ANKRD24: variants seen among roughly 807,000 people sequenced by gnomAD.
ANKRD24 encodes the protein ankyrin repeat domain-containing protein 24.
Under a neutral mutation model 127.8 loss-of-function variants are expected in ANKRD24, and 109 were observed. The ratio of observed to expected loss-of-function variants is 0.85; its 90% CI spans 0.73 to 1.00. ANKRD24 has a LOEUF of 1.00. Among genes scored for constraint, ANKRD24 ranks in the 50% least tolerant of loss-of-function variants. ANKRD24 has a pLI of 0.00. For synonymous variants in ANKRD24, 743 were observed against 671.1 expected, an observed-to-expected ratio of 1.11 and a Z score of -1.66; for missense variants, 1,648 against 1,570.2, an observed-to-expected ratio of 1.05 and a Z score of -0.84.
At chr19:4,224,291 G>T in intron 21 of ANKRD24, 99 bp downstream of exon 21, 1 of 1,432,586 alleles carries the variant, frequency 7.0e-7, no homozygotes, top group East Asian at 2.5e-5. Flanking sequence ...GGCTGGTCTG[G>T]GGAGAGGTTC....
intron 2 of ANKRD24, among the ~76,000 whole-genome samples, chr19:4,193,861 A>T (rs138057179): frequency 1.5e-5 from 1 of 67,408 alleles, no homozygotes; most frequent in African/African-American, 6.3e-5. Context: ...GGAAGGAAGG[A>T]AGGAAGGAAG....
At position 4,216,535 on chromosome 19, in the gene ANKRD24, C is replaced by A. The variant is rs778783158; in HGVS notation, c.1390-15C>A. 5 of 1,594,142 alleles carry A rather than the reference C, an allele frequency of 3.1e-6. No individual in the cohort carries two copies. Among genetic ancestry groups the A allele is most frequent in the South Asian group, 1.1e-5 (1 of 88,164 alleles). On this transcript the variant is annotated splice_polypyrimidine_tract_variant and intron_variant, in intron 17 of 21. Transcript: ENST00000318934. ...CAACTCCTGCCAGACTCCTGCCCCC[C>A]ACTCCACTCCCCAGATCCTGGAGAA...
At chr19:4,220,982 G>C (rs1161044474) in intron 19 of ANKRD24, among the ~76,000 whole-genome samples, 1 of 149,900 alleles carries the variant, frequency 6.7e-6, no homozygotes, top group Non-Finnish European at 1.5e-5. Flanking sequence ...TTGCAGCTTC[G>C]ACCTCCTGGG....
intron 19 of ANKRD24, among the ~76,000 whole-genome samples, chr19:4,220,645 C>T (rs1057150272): frequency 1.3e-4 from 19 of 151,904 alleles, no homozygotes; most frequent in Non-Finnish European, 2.5e-4. Flanking sequence ...AACTCTGCCT[C>T]CCGGGTTCAC....
Position 4,205,590 on chromosome 19 carries a change from G to A in ANKRD24, c.467-1652G>A, listed in dbSNP as rs1969337815. ...AGGCCAGGCACAGTGGTGCACGCCT[G>A]TAATCCTAGCACTATGGGAGTCAGA... On this transcript the variant is annotated intron_variant, in intron 7 of 21. Coordinates refer to ENST00000318934, the MANE Select transcript of ANKRD24 (RefSeq NM_001393985.1). Among the ~76,000 whole-genome samples, 2 of 152,208 alleles carry A rather than the reference G, an allele frequency of 1.3e-5. 1 individual carries two copies. The highest frequency in any genetic ancestry group is 4.1e-4 in the South Asian group (2 of 4,830).
At chr19:4,218,243 G>A in intron 18 of ANKRD24, 80 bp downstream of exon 18, 6 of 1,263,866 alleles carry the variant, frequency 4.7e-6, no homozygotes, top group Non-Finnish European at 6.2e-6. Flanking sequence ...GCCTTGAGGT[G>A]TTTTGAACCC....
At chr19:4,213,544 C>G (rs1458373232) in intron 15 of ANKRD24, among the ~76,000 whole-genome samples, 2 of 148,062 alleles carry the variant, frequency 1.4e-5, no homozygotes, top group Non-Finnish European at 3.0e-5. Context: ...CAACCTCTGC[C>G]TCCCTGGTTC....
Position 4,199,960 on chromosome 19 carries a change from G to A in ANKRD24, c.209G>A (p.Arg70His), listed in dbSNP as rs368880588. ...CCTCGGGTGGCCGCCCTCATCGCCC[G>A]CAAGGGGCTGGTGCCCACGAAGCTA... ...DAPRVAALIA[R>H]KGLVPTKLDP... Residue 70 changes from arginine to histidine, a missense_variant, in exon 4 of 22, where the codon CGC (arginine) becomes CAC (histidine). Physicochemically the swap from Arg to His is conservative, Grantham distance 29. Transcript: ENST00000318934. This position sits in a 1 kb window ranked among gnomAD's most constrained non-coding sequence, Gnocchi z 5.2. 5.8e-6 allele frequency: 9 copies of A among 1,564,018 alleles called. No homozygotes were observed. The East Asian group carries it at 9.6e-5, about 17-fold the overall frequency.
rs369689445 is a variant in ANKRD24, at chr19:4,212,707, A to G, written c.1197+9A>G. On this transcript the variant is annotated intron_variant, in intron 15 of 21. Coordinates refer to ENST00000318934, the MANE Select transcript of ANKRD24 (RefSeq NM_001393985.1). ...GGCTGTCCCTGCTGGAGGTAGGAGC[A>G]GTGATGAGTCAGGGCTGGGCTGGGG... The G allele has an allele frequency of 6.6e-7, 1 of 1,519,744 alleles. No homozygotes were observed. The highest frequency in any genetic ancestry group is 1.4e-5 in the African/African-American group (1 of 72,110). 94.1% of individuals were successfully genotyped at this position (1,519,744 alleles called of 1,614,324 possible). A position where few individuals can be genotyped will look rare whatever the true frequency, so the allele number is the denominator to read the frequency against.
Position 4,217,899 on chromosome 19 carries a change from G to A in ANKRD24, c.2739G>A (p.Val913=). 6.8e-7 allele frequency: 1 copy of A among 1,477,410 alleles called. No individual in the cohort carries two copies. The highest frequency in any genetic ancestry group is 8.9e-7 in the Non-Finnish European group (1 of 1,121,680). 91.5% of individuals were successfully genotyped at this position (1,477,410 alleles called of 1,614,324 possible). Residue 913 remains valine, a synonymous_variant, in exon 18 of 22, where the codon GTG becomes GTA. Coordinates refer to ENST00000318934, the MANE Select transcript of ANKRD24 (RefSeq NM_001393985.1). ...CCTCCGAGGCCCTCCGCCAGTCCGT[G>A]GTGCCGGCCTCTGAGCACCGCCGGC... ...REASEALRQS[V]VPASEHRRLQ...
rs1968957208 is a variant in ANKRD24, at chr19:4,199,454, C to T, written c.37-229C>T. 1 of 968,456 alleles carries T rather than the reference C, an allele frequency of 1.0e-6. No individual in the cohort carries two copies. The highest frequency in any genetic ancestry group is 1.8e-5 in the African/African-American group (1 of 56,888). 60.0% of individuals were successfully genotyped at this position (968,456 alleles called of 1,614,324 possible). A position where few individuals can be genotyped will look rare whatever the true frequency, so the allele number is the denominator to read the frequency against. On this transcript the variant is annotated intron_variant, in intron 2 of 21. Coordinates refer to ENST00000318934, the MANE Select transcript of ANKRD24 (RefSeq NM_001393985.1). The surrounding 1 kb of genome is among the most constrained non-coding windows in gnomAD (Gnocchi z 5.2). ...CTCAAACTCCTAGGCTCAAGCGATC[C>T]TCCCACCTTGGCCTCCCCAGATGCT...
chr19:4,202,749 T>G, intron 6 of ANKRD24, 120 bp from the exon 7 acceptor site: 5 of 1,049,328 alleles, frequency 4.8e-6, no homozygotes, highest in Non-Finnish European at 7.3e-6. Flanking sequence ...ATGGAGTCCC[T>G]TGGGGGCCAC....
intron 11 of ANKRD24, among the ~76,000 whole-genome samples, chr19:4,209,413 C>T (rs1969573977): frequency 6.6e-6 from 1 of 150,582 alleles, no homozygotes; most frequent in African/African-American, 2.5e-5. Flanking sequence ...CGACCCCTCT[C>T]CTAGTTTTTT....
At chr19:4,212,538 C>G in intron 14 of ANKRD24, 25 bp downstream of exon 14, 1 of 1,550,960 alleles carries the variant, frequency 6.4e-7, no homozygotes, top group Non-Finnish European at 8.7e-7. Flanking sequence ...GGGGAGGAGC[C>G]GGTCCTCCTG....
At position 4,195,218 on chromosome 19, in the gene ANKRD24, G is replaced by A. The variant is rs536579331; in HGVS notation, c.37-4465G>A. On this transcript the variant is annotated intron_variant, in intron 2 of 21. Transcript: ENST00000318934. The surrounding 1 kb of genome is among the most constrained non-coding windows in gnomAD (Gnocchi z 4.2). ...CTCCCGAGTAGCTGGGACTACAGGCGCCCACCACCACGCCCGGCTAATTTT... is the reference window on the plus strand; with the variant it reads ...CTCCCGAGTAGCTGGGACTACAGGCACCCACCACCACGCCCGGCTAATTTT... 0.036 allele frequency among the ~76,000 whole-genome samples: 5,470 copies of A among 152,050 alleles called. 134 individuals carry two copies. Among genetic ancestry groups the A allele is most frequent in the Non-Finnish European group, 0.053 (3,578 of 67,986 alleles).
rs1344645566 is a variant in ANKRD24 at position 4,202,872 on chromosome 19, T to C, written c.412T>C (p.Ser138Pro). ...AAAGGACTCGCCCCATCCCCAGGCT[T>C]CCTGCGTGGTGGACGTCGTGGACAG... is the stretch of plus-strand genomic sequence containing the variant. ...PQCLKQLLQA[S>P]CVVDVVDSSG... is the part of the protein sequence containing the mutation. The change falls in exon 7 of 22, where the codon TCC (serine) becomes CCC (proline). Residue 138 changes from serine (S) to proline (P), a missense_variant. By Grantham distance (74) the Ser-to-Pro change is moderately conservative. Transcript: ENST00000318934. The C allele has an allele frequency of 1.3e-6, 2 of 1,589,804 alleles. No individual in the cohort carries two copies. The highest frequency in any genetic ancestry group is 1.7e-6 in the Non-Finnish European group (2 of 1,168,366).
chr19:4,200,351 C>T (rs987373349), intron 5 of ANKRD24, among the ~76,000 whole-genome samples, 180 bp downstream of exon 5: 3 of 151,962 alleles, frequency 2.0e-5, no homozygotes, highest in Non-Finnish European at 2.9e-5. Context: ...ATGGGGTGGC[C>T]AAAGATAGAG....
At chr19:4,212,898 C>T (rs903044660) in intron 15 of ANKRD24, among the ~76,000 whole-genome samples, 200 bp downstream of exon 15, 1 of 152,080 alleles carries the variant, frequency 6.6e-6, no homozygotes, top group African/African-American at 2.4e-5. Flanking sequence ...TTTGGGAGGC[C>T]GAGGCGGGCG....
chr19:4,210,095 A>G lies in ANKRD24; in HGVS notation c.908A>G (p.Lys303Arg), dbSNP rs1449895153. The G allele has an allele frequency of 4.3e-6, 7 of 1,612,672 alleles. No homozygotes were observed. Among genetic ancestry groups the G allele is most frequent in the Non-Finnish European group, 5.9e-6 (7 of 1,179,476 alleles). Reference protein sequence around the residue: ...MSSHGKQGAPKKRKAPPPPAS... With the variant: ...MSSHGKQGAPRKRKAPPPPAS... Reference sequence around the variant, plus strand: ...AGCCATGGAAAGCAGGGGGCCCCCAAGAAGCGGAAGGCGCCTCCACCTCCC... The same window carrying G: ...AGCCATGGAAAGCAGGGGGCCCCCAGGAAGCGGAAGGCGCCTCCACCTCCC... Residue 303 changes from lysine to arginine, a missense_variant, in exon 12 of 22, where the codon AAG (lysine) becomes AGG (arginine). Physicochemically the swap from Lys to Arg is conservative, Grantham distance 26. Transcript: ENST00000318934.
Sources: allele counts gnomAD v4.1 joint callset (sites outside exome capture counted in the v4.1 genomes callset), GRCh38; gene constraint gnomAD v4.1.1; non-coding constraint Gnocchi (gnomAD v3.1); transcripts MANE v1.5; gene names NCBI Gene and HGNC (gene_info 2026-07-23, HGNC 2026-07-21).